SHISA6: variants seen among roughly 807,000 people sequenced by gnomAD.
SHISA6 encodes the protein protein shisa-6.
In SHISA6, 22 loss-of-function variants were observed where a neutral mutation model predicts 47.9. The observed-to-expected ratio is 0.46, with a 90% CI of 0.33 to 0.66. The LOEUF is 0.66. SHISA6 is among the 30% of genes least tolerant of loss of function. SHISA6 has a pLI of 0.02. For synonymous variants in SHISA6, 388 were observed against 337.8 expected (o/e 1.15, Z -1.63); for missense variants, 680 against 764.6 (o/e 0.89, Z 1.30).
At chr17:11,457,740 CAAAA>C (rs56835775) in intron 3 of SHISA6, among the ~76,000 whole-genome samples, 2 of 101,852 alleles carry the variant, frequency 2.0e-5, no homozygotes, top group Non-Finnish European at 2.0e-5. Flanking sequence ...GACTCAGTCT[CAAAA>C]AAAAAAAAAA....
chr17:11,533,687 G>A lies in SHISA6; in HGVS notation c.896-18209G>A, dbSNP rs1050222404. ...GGCTGACTGCCAGCTCTGCCTCCCG[G>A]GTTCACGCCATTCTCCTGCCTCAGC... On this transcript the variant is annotated intron_variant, in intron 3 of 5. Transcript: ENST00000441885. 2.1e-5 allele frequency among the ~76,000 whole-genome samples: 3 copies of A among 142,998 alleles called. No homozygotes were observed. The Admixed American group carries it at 2.3e-4, about 11-fold the overall frequency. 93.8% of individuals were successfully genotyped at this position (142,998 alleles called of 152,430 possible).
At chr17:11,298,377 A>G (rs1448618846) in intron 2 of SHISA6, among the ~76,000 whole-genome samples, 4 of 152,236 alleles carry the variant, frequency 2.6e-5, no homozygotes, top group African/African-American at 7.2e-5. Flanking sequence ...TGTGAAACCA[A>G]TAAGCTCACT....
At chr17:11,421,020 C>G (rs560989322) in intron 3 of SHISA6, among the ~76,000 whole-genome samples, 1 of 152,106 alleles carries the variant, frequency 6.6e-6, no homozygotes, top group Non-Finnish European at 1.5e-5. Context: ...TTATTGCTGG[C>G]GGGACTGAAG....
chr17:11,515,373 A>T (rs2071577598), intron 3 of SHISA6, among the ~76,000 whole-genome samples: 1 of 142,288 alleles, frequency 7.0e-6, no homozygotes, highest in Non-Finnish European at 1.5e-5. Context: ...AGGGAGAGAA[A>T]ATGCTCCAAA....
At chr17:11,421,084 A>C (rs1471891453) in intron 3 of SHISA6, among the ~76,000 whole-genome samples, 1 of 152,090 alleles carries the variant, frequency 6.6e-6, no homozygotes, top group Non-Finnish European at 1.5e-5. Flanking sequence ...ATGTGCCTTC[A>C]TTTCAATTTG....
chr17:11,322,822 G>A (rs1276964253), intron 2 of SHISA6, among the ~76,000 whole-genome samples: 2 of 152,132 alleles, frequency 1.3e-5, no homozygotes, highest in Non-Finnish European at 1.5e-5. Context: ...AAGAAATGTG[G>A]AACTACATCC....
At chr17:11,537,074 C>T (rs183250518) in intron 3 of SHISA6, among the ~76,000 whole-genome samples, 1 of 150,718 alleles carries the variant, frequency 6.6e-6, no homozygotes, top group Admixed American at 6.6e-5. Context: ...CCTGTGTGGG[C>T]ATGACAACCA....
At chr17:11,533,156 T>G (rs937349591) in intron 3 of SHISA6, among the ~76,000 whole-genome samples, 8 of 152,188 alleles carry the variant, frequency 5.3e-5, no homozygotes, top group Admixed American at 1.3e-4. Context: ...CTTTGCTTCT[T>G]CTACCTGGCC....
chr17:11,433,231 T>A (rs1914840976), intron 3 of SHISA6, among the ~76,000 whole-genome samples: 3 of 151,588 alleles, frequency 2.0e-5, no homozygotes. Context: ...TCCCTCCCCC[T>A]AGCCCCCCAC....
chr17:11,436,804 T>C (rs1392576282), intron 3 of SHISA6, among the ~76,000 whole-genome samples: 6 of 152,232 alleles, frequency 3.9e-5, no homozygotes, highest in African/African-American at 1.4e-4. Context: ...TTTTAGACTT[T>C]TGAAGAGCCT....
chr17:11,522,450 T>A (rs1231454129), intron 3 of SHISA6, among the ~76,000 whole-genome samples: 1 of 152,058 alleles, frequency 6.6e-6, no homozygotes, highest in African/African-American at 2.4e-5. Context: ...TAATTTTGTA[T>A]AGAGAAGTTG....
chr17:11,390,138 G>T (rs955652857), intron 3 of SHISA6, among the ~76,000 whole-genome samples: 3 of 152,190 alleles, frequency 2.0e-5, no homozygotes, highest in Non-Finnish European at 2.9e-5. Flanking sequence ...CTCAGCCTCA[G>T]TCTTACTCCA....
At chr17:11,510,246 G>C (rs2071531266) in intron 3 of SHISA6, among the ~76,000 whole-genome samples, 1 of 152,036 alleles carries the variant, frequency 6.6e-6, no homozygotes, top group Admixed American at 6.6e-5. Context: ...CTCCTCTGAT[G>C]CCTAACCACT....
chr17:11,308,256 T>A (rs1467420109), intron 2 of SHISA6, among the ~76,000 whole-genome samples: 2 of 152,204 alleles, frequency 1.3e-5, no homozygotes, highest in African/African-American at 4.8e-5. Flanking sequence ...GATGGCCATG[T>A]AACAGGCAGA....
chr17:11,442,991 A>G (rs1338855522), intron 3 of SHISA6, among the ~76,000 whole-genome samples: 2 of 152,214 alleles, frequency 1.3e-5, no homozygotes, highest in Admixed American at 6.5e-5. Flanking sequence ...TTCTTAGCAG[A>G]AAAAGGAAGC....
At chr17:11,338,682 C>T (rs533025520) in intron 2 of SHISA6, among the ~76,000 whole-genome samples, 50 of 152,158 alleles carry the variant, frequency 3.3e-4, no homozygotes, top group Admixed American at 2.9e-3. Flanking sequence ...TCCCAAAGTG[C>T]TGGCATTACA....
At chr17:11,548,156 A>T (rs1333857771) in intron 3 of SHISA6, among the ~76,000 whole-genome samples, 1 of 152,200 alleles carries the variant, frequency 6.6e-6, no homozygotes, top group Admixed American at 6.5e-5. Context: ...TAAACTGGCA[A>T]TAACAACACA....
At chr17:11,540,442 C>G (rs541379820) in intron 3 of SHISA6, among the ~76,000 whole-genome samples, 2 of 152,312 alleles carry the variant, frequency 1.3e-5, no homozygotes, top group South Asian at 4.1e-4. Flanking sequence ...CCTGTGTACA[C>G]AGTTCTCCCT....
chr17:11,477,402 C>T (rs1916078462), intron 3 of SHISA6, among the ~76,000 whole-genome samples: 1 of 152,004 alleles, frequency 6.6e-6, no homozygotes. Flanking sequence ...TCTCTAATTT[C>T]TTAACCTATC....
Sources: gnomAD v4.1 joint callset for allele counts (sites outside exome capture counted in the v4.1 genomes callset) on GRCh38, gnomAD v4.1.1 for gene constraint, MANE v1.5 for transcripts, NCBI Gene and HGNC (gene_info 2026-07-23, HGNC 2026-07-21) for gene names.